LRCH2: variants seen among roughly 807,000 people sequenced by gnomAD.
LRCH2 encodes the protein leucine-rich repeat and calponin homology domain-containing protein 2.
LRCH2 carries 38 observed loss-of-function variants against 68.9 expected under a neutral mutation model. The ratio of observed to expected loss-of-function variants is 0.55; its 90% CI spans 0.43 to 0.72. LRCH2 has a LOEUF of 0.72. Among genes scored for constraint, LRCH2 ranks in the 30% least tolerant of loss-of-function variants. The pLI is 0.00. For missense variants in LRCH2, 528 were observed against 572.9 expected, an observed-to-expected ratio of 0.92 and a Z score of 0.80; for synonymous variants, 191 against 208.1, an observed-to-expected ratio of 0.92 and a Z score of 0.71.
chrX:115,207,935 G>A (rs2072980536), intron 1 of LRCH2, among the ~76,000 whole-genome samples: 1 of 111,718 alleles, frequency 9.0e-6, no homozygotes, highest in African/African-American at 3.3e-5. Flanking sequence ...GGGGCCATGT[G>A]GAGAAGGAGG....
At chrX:115,158,434 T>C (rs781886353) in intron 11 of LRCH2, among the ~76,000 whole-genome samples, 22 of 112,151 alleles carry the variant, frequency 2.0e-4, no homozygotes, top group Non-Finnish European at 3.0e-4. Context: ...GAGGTTAACA[T>C]GATGCTCCTC....
chrX:115,215,791 A>C (rs1294223852), intron 1 of LRCH2, among the ~76,000 whole-genome samples: 1 of 93,750 alleles, frequency 1.1e-5, no homozygotes, highest in East Asian at 3.6e-4. Flanking sequence ...AAAAAAAAAA[A>C]CATAATTCAT....
At chrX:115,146,477 C>G (rs2072383519) in intron 14 of LRCH2, among the ~76,000 whole-genome samples, 1 of 110,648 alleles carries the variant, frequency 9.0e-6, no homozygotes, top group Admixed American at 9.7e-5. Flanking sequence ...ATACCCCATT[C>G]CCCATAATGT....
chrX:115,212,539 G>T (rs781856208), intron 1 of LRCH2, among the ~76,000 whole-genome samples: 1 of 111,092 alleles, frequency 9.0e-6, no homozygotes, highest in East Asian at 2.9e-4. Context: ...TTGCTTTGTC[G>T]CCCAGGCTGG....
At chrX:115,180,422 A>G (rs782567705) in intron 3 of LRCH2, among the ~76,000 whole-genome samples, 1 of 110,658 alleles carries the variant, frequency 9.0e-6, no homozygotes, top group South Asian at 3.9e-4. Context: ...TTTCCATAAT[A>G]ACAAATTGAG....
At chrX:115,185,876 T>A (rs1200004557) in intron 2 of LRCH2, among the ~76,000 whole-genome samples, 1 of 111,577 alleles carries the variant, frequency 9.0e-6, no homozygotes, top group Non-Finnish European at 1.9e-5. Context: ...CACAAGGATC[T>A]TTCTACAGGA....
At chrX:115,201,300 G>A (rs1556566116) in intron 1 of LRCH2, among the ~76,000 whole-genome samples, 1 of 111,685 alleles carries the variant, frequency 9.0e-6, no homozygotes, top group Non-Finnish European at 1.9e-5. Context: ...GGGACACAGA[G>A]CCAAACCATA....
chrX:115,146,906 T>TACACACACACAC (rs57837250), intron 14 of LRCH2, among the ~76,000 whole-genome samples: 5 of 67,592 alleles, frequency 7.4e-5, no homozygotes, highest in Admixed American at 1.7e-4. Context: ...CTTACATACA[T>TACACACACACAC]ACACACACAC....
intron 20 of LRCH2, among the ~76,000 whole-genome samples, chrX:115,116,039 T>C (rs1226106943): frequency 9.0e-6 from 1 of 110,783 alleles, no homozygotes; most frequent in Admixed American, 9.6e-5. Flanking sequence ...ACCAAAAAGG[T>C]AGACAGTAGT....
At chrX:115,195,374 TAG>T (rs1400433136) in intron 1 of LRCH2, among the ~76,000 whole-genome samples, 1 of 108,242 alleles carries the variant, frequency 9.2e-6, no homozygotes, top group Non-Finnish European at 1.9e-5. Context: ...AGTATTGAAT[TAG>T]AGAGATCAAG....
rs782351858 is a variant in LRCH2, at chrX:115,130,215, A to C, written c.1696-16T>G. 6 of 919,768 alleles carry C rather than the reference A, an allele frequency of 6.5e-6. No homozygotes were observed. The highest frequency in any genetic ancestry group is 7.5e-6 in the Non-Finnish European group (5 of 662,404). 75.8% of individuals were successfully genotyped at this position (919,768 alleles called of 1,213,427 possible). On this transcript the variant is annotated splice_polypyrimidine_tract_variant and intron_variant, in intron 14 of 20. Coordinates refer to ENST00000317135, the MANE Select transcript of LRCH2 (RefSeq NM_020871.4). ...TTGATTTATACTGAAAAATATTTAAAACACATAATTTATTTTCCCTTGAAC... is the reference window on the plus strand; with the variant it reads ...TTGATTTATACTGAAAAATATTTAACACACATAATTTATTTTCCCTTGAAC...
At chrX:115,165,720 CT>C in intron 8 of LRCH2, 65 bp from the exon 9 acceptor site, 1 of 946,716 alleles carries the variant, frequency 1.1e-6, no homozygotes, top group Non-Finnish European at 1.4e-6. Flanking sequence ...CACTGCTGTC[CT>C]TAGAAAAATG....
intron 14 of LRCH2, among the ~76,000 whole-genome samples, chrX:115,146,906 T>TACACACACACACACACACACACAC (rs57837250): frequency 1.5e-5 from 1 of 67,594 alleles, no homozygotes; most frequent in African/African-American, 5.7e-5. Flanking sequence ...CTTACATACA[T>TACACACACACACACACACACACAC]ACACACACAC....
chrX:115,120,858 C>A (rs1320646534), intron 20 of LRCH2, among the ~76,000 whole-genome samples: 11 of 107,902 alleles, frequency 1.0e-4, no homozygotes, highest in Non-Finnish European at 1.9e-4. Context: ...ATGATGAGTT[C>A]ATGTCCTTTG....
chrX:115,130,792 T>TAC (rs1332701891), intron 14 of LRCH2, among the ~76,000 whole-genome samples: 6 of 112,026 alleles, frequency 5.4e-5, no homozygotes, highest in African/African-American at 1.9e-4. Flanking sequence ...TTAAATGTCT[T>TAC]ACATGTATTA....
At chrX:115,222,817 T>C (rs2073094216) in intron 1 of LRCH2, among the ~76,000 whole-genome samples, 1 of 111,881 alleles carries the variant, frequency 8.9e-6, no homozygotes, top group African/African-American at 3.2e-5. Context: ...CCAACTTGCA[T>C]TCTGCATTTT....
Position 115,166,278 on chromosome X carries a change from C to G in LRCH2, c.1063G>C (p.Glu355Gln), listed in dbSNP as rs782471441. Residue 355 changes from glutamate to glutamine, a missense_variant, in exon 7 of 21, where the codon GAG becomes CAG. Transcript: ENST00000317135. ...ACTTCTGTTGTGGATAATCGTTTCT[C>G]TCCATTATCACTTCCAATTCCAGAG... ...PDSGIGSDNG[E>Q]KRLSTTEPSD... 15 of 1,192,216 alleles carry G rather than the reference C, an allele frequency of 1.3e-5. No homozygotes were observed. Among genetic ancestry groups the G allele is most frequent in the African/African-American group, 1.7e-5 (1 of 57,303 alleles).
At chrX:115,168,174 T>C (rs1265835494) in intron 6 of LRCH2, among the ~76,000 whole-genome samples, 2 of 112,107 alleles carry the variant, frequency 1.8e-5, no homozygotes, top group East Asian at 5.6e-4. Flanking sequence ...TGCCTATCTA[T>C]GTATAATAAA....
At chrX:115,146,754 A>G (rs2072386027) in intron 14 of LRCH2, among the ~76,000 whole-genome samples, 1 of 109,763 alleles carries the variant, frequency 9.1e-6, no homozygotes, top group Non-Finnish European at 1.9e-5. Context: ...TTACTTACTA[A>G]CTTAACCTGA....
Sources: allele counts gnomAD v4.1 joint callset (sites outside exome capture counted in the v4.1 genomes callset), GRCh38; gene constraint gnomAD v4.1.1; transcripts MANE v1.5; gene names NCBI Gene and HGNC (gene_info 2026-07-23, HGNC 2026-07-21).